SLC6A18: variants seen among roughly 807,000 people sequenced by gnomAD.
SLC6A18 encodes the protein solute carrier family 6 member 18, also known as inactive sodium-dependent neutral amino acid transporter B(0)AT3.
A neutral mutation model predicts 62.9 loss-of-function variants in SLC6A18; 58 were observed. That is an observed-to-expected ratio of 0.92 (90% CI 0.75 to 1.15). The LOEUF (loss-of-function observed/expected upper bound fraction) is 1.15. Among genes scored for constraint, SLC6A18 ranks in the 50% most tolerant of loss-of-function variants. The probability of loss-of-function intolerance (pLI) is 0.00; values close to 1 mark genes in which losing one functional copy is unlikely to be tolerated. For synonymous variants in SLC6A18, 382 were observed against 365.8 expected (o/e 1.04, Z -0.51); for missense variants, 793 against 836.6 (o/e 0.95, Z 0.64).
chr5:1,227,214 G>T (rs974078650), intron 1 of SLC6A18, among the ~76,000 whole-genome samples: 9 of 152,120 alleles, frequency 5.9e-5, no homozygotes. Flanking sequence ...ATTGCTAAGC[G>T]CCTGCAGTGT....
rs764437677 is a variant in SLC6A18, at chr5:1,240,552, G to A, written c.867G>A (p.Ala289=). 1.5e-5 allele frequency: 25 copies of A among 1,614,020 alleles called. No individual in the cohort carries two copies. Among genetic ancestry groups the A allele is most frequent in the Middle Eastern group, 1.6e-4 (1 of 6,084 alleles). ...CCAGGAATGACTGCCAGAAGGATGC[G>A]GTGGTCATCGCCCTGGTCAACAGGA... ...NSPRNDCQKD[A]VVIALVNRMT... is the part of the protein sequence containing the mutation. Residue 289 remains alanine (A), a synonymous_variant, in exon 7 of 12, where the codon GCG becomes GCA. Coordinates refer to ENST00000324642, the MANE Select transcript of SLC6A18 (RefSeq NM_182632.3).
intron 1 of SLC6A18, among the ~76,000 whole-genome samples, chr5:1,227,001 G>A (rs1275975460): frequency 6.7e-6 from 1 of 149,828 alleles, no homozygotes; most frequent in East Asian, 2.0e-4. Context: ...CTTGCCCACC[G>A]ATGCCTTGCC....
At chr5:1,235,404 G>C (rs777775039) in intron 3 of SLC6A18, 77 bp from the exon 4 acceptor site, 1 of 1,468,192 alleles carries the variant, frequency 6.8e-7, no homozygotes, top group Non-Finnish European at 9.3e-7. Context: ...AGCAGCCCAG[G>C]GAAATTGAGC....
At chr5:1,239,307 C>G (rs1746986635) in intron 5 of SLC6A18, 143 bp from the exon 6 acceptor site, 1 of 635,422 alleles carries the variant, frequency 1.6e-6, no homozygotes, top group Non-Finnish European at 2.8e-6. Context: ...CCTGCGTGGT[C>G]CTACCCTGTT....
intron 2 of SLC6A18, 102 bp downstream of exon 2, chr5:1,232,461 C>T (rs1746757808): frequency 8.9e-6 from 13 of 1,464,498 alleles, no homozygotes; most frequent in Middle Eastern, 4.9e-4. Flanking sequence ...GGTACGGAAG[C>T]GGCCAGGCCA....
chr5:1,235,435 G>A (rs749156242), intron 3 of SLC6A18, 46 bp from the exon 4 acceptor site: 107 of 1,590,526 alleles, frequency 6.7e-5, no homozygotes, highest in Non-Finnish European at 3.3e-5. Flanking sequence ...CATGGTGAGG[G>A]TGCCTACGCC....
rs1747023592 is a variant in SLC6A18 at position 1,240,460 on chromosome 5, C to T, written c.846-71C>T. The T allele has an allele frequency of 9.4e-6, 15 of 1,593,672 alleles. No homozygotes were observed. The South Asian group carries it at 1.7e-4, about 18-fold the overall frequency. ...GAGGGTCAAGGAGGGAAGCCCCCTC[C>T]TCACTTCCTCCCCTGGATGAGGCCC... is the stretch of plus-strand genomic sequence containing the variant. On this transcript the variant is annotated intron_variant, in intron 6 of 11. Coordinates refer to ENST00000324642, the MANE Select transcript of SLC6A18 (RefSeq NM_182632.3).
rs531337288 is a variant in SLC6A18, at chr5:1,240,848, G to C, written c.974+189G>C. Among the ~76,000 whole-genome samples, 4 of 152,300 alleles carry C rather than the reference G, an allele frequency of 2.6e-5. No homozygotes were observed. The East Asian group carries it at 7.7e-4, about 29-fold the overall frequency. ...TCAGAATGTGACCTGGTTGGAAAAG[G>C]GTCTTTGCAGATGTAATTAAGTAGG... On this transcript the variant is annotated intron_variant, in intron 7 of 11. Transcript: ENST00000324642.
chr5:1,235,725 T>C (rs1282764873), intron 4 of SLC6A18, 63 bp downstream of exon 4: 3 of 1,545,074 alleles, frequency 1.9e-6, no homozygotes, highest in Admixed American at 1.8e-5. Context: ...CCCCTCCCCA[T>C]TGACCTGTGT....
intron 1 of SLC6A18, 50 bp from the exon 2 acceptor site, chr5:1,232,169 C>T (rs769282738): frequency 3.3e-6 from 5 of 1,510,926 alleles, no homozygotes; most frequent in East Asian, 4.7e-5. Context: ...ACGCCACAGT[C>T]CCCCCCAGCC....
chr5:1,240,524 T>C lies in SLC6A18; in HGVS notation c.846-7T>C, dbSNP rs1309310189. ...AAAGCCTGTGATGAGCGTGCGTTTG[T>C]GCCCAGGAATGACTGCCAGAAGGAT... is the stretch of plus-strand genomic sequence containing the variant. On this transcript the variant is annotated splice_region_variant and splice_polypyrimidine_tract_variant and intron_variant, in intron 6 of 11. Transcript: ENST00000324642. 1 of 1,614,032 alleles carries C rather than the reference T, an allele frequency of 6.2e-7. No individual in the cohort carries two copies. Among genetic ancestry groups the C allele is most frequent in the Non-Finnish European group, 8.5e-7 (1 of 1,179,944 alleles).
chr5:1,233,773 G>A (rs1278558605), intron 3 of SLC6A18, among the ~76,000 whole-genome samples: 1 of 131,180 alleles, frequency 7.6e-6, no homozygotes, highest in African/African-American at 2.8e-5. Context: ...ACGGAGTCTT[G>A]CTCTGTCGCC....
In SLC6A18 at chr5:1,243,868, C is replaced by A. The variant is rs1355356516; in HGVS notation, c.1336+109C>A. ...TGGATGGAGAGCGCAAGGGGCCAAG[C>A]CTGAGTTCAGGGAAAGGCTGAGCCA... is the stretch of plus-strand genomic sequence containing the variant. On this transcript the variant is annotated intron_variant, in intron 9 of 11. Transcript: ENST00000324642. This position sits in a 1 kb window ranked among gnomAD's most constrained non-coding sequence, Gnocchi z 6.5. 1.8e-6 allele frequency: 2 copies of A among 1,093,474 alleles called. No individual in the cohort carries two copies. The highest frequency in any genetic ancestry group is 2.6e-6 in the Non-Finnish European group (2 of 782,948). The allele number at this position is 1,093,474 out of a possible 1,614,324, so 67.7% of individuals were successfully genotyped here. A position where few individuals can be genotyped will look rare whatever the true frequency, so the allele number is the denominator to read the frequency against.
chr5:1,232,924 A>G (rs765581865), intron 3 of SLC6A18, 36 bp downstream of exon 3: 1 of 1,584,414 alleles, frequency 6.3e-7, no homozygotes, highest in Non-Finnish European at 8.6e-7. Context: ...GGGTCCGTGC[A>G]CGGCCGAGAG....
chr5:1,233,795 G>A (rs1015952029), intron 3 of SLC6A18, among the ~76,000 whole-genome samples: 13 of 150,058 alleles, frequency 8.7e-5, no homozygotes, highest in Non-Finnish European at 1.9e-4. Context: ...AGGCTGGAGT[G>A]CAGTGGTGCT....
chr5:1,233,749 A>ATTTTTTTTTTTTTT (rs70957337), intron 3 of SLC6A18, among the ~76,000 whole-genome samples: 69 of 138,684 alleles, frequency 5.0e-4, no homozygotes, highest in South Asian at 1.4e-3. Flanking sequence ...CACTCAGCTA[A>ATTTTTTTTTTTTTT]TTTTTTTTTT....
chr5:1,240,354 G>A (rs561103999), intron 6 of SLC6A18, among the ~76,000 whole-genome samples, 177 bp from the exon 7 acceptor site: 1 of 152,182 alleles, frequency 6.6e-6, no homozygotes, highest in African/African-American at 2.4e-5. Context: ...TAGACTGTTG[G>A]GGGGATCTGA....
At chr5:1,238,146 C>G in intron 5 of SLC6A18, 86 bp downstream of exon 5, 1 of 1,083,952 alleles carries the variant, frequency 9.2e-7, no homozygotes, top group South Asian at 1.3e-5. Flanking sequence ...CACCTGGGAG[C>G]GTGAGAGGCC....
At chr5:1,240,700 GC>G in intron 7 of SLC6A18, 41 bp downstream of exon 7, 3 of 1,607,972 alleles carry the variant, frequency 1.9e-6, no homozygotes, top group Non-Finnish European at 2.5e-6. Flanking sequence ...GGGCACAGCC[GC>G]CAGACAGGTG....
Sources: allele counts gnomAD v4.1 joint callset (sites outside exome capture counted in the v4.1 genomes callset), GRCh38; gene constraint gnomAD v4.1.1; non-coding constraint Gnocchi (gnomAD v3.1); transcripts MANE v1.5; gene names NCBI Gene and HGNC (gene_info 2026-07-23, HGNC 2026-07-21).